Variants in WWC2 observed in about 807,000 individuals in gnomAD.
WWC2 encodes protein WWC2.
WWC2 carries 101 observed loss-of-function variants against 138.5 expected under a neutral mutation model. That is an observed-to-expected ratio of 0.73 (90% CI 0.62 to 0.86). The LOEUF is 0.86. WWC2 is among the 40% of genes least tolerant of loss of function. The pLI is 0.00. For missense variants in WWC2, 1,420 were observed against 1,419.4 expected (o/e 1.00, Z -0.01); for synonymous variants, 558 against 538.4 (o/e 1.04, Z -0.50).
chr4:183,289,993 A>C (rs1024987065), intron 21 of WWC2, among the ~76,000 whole-genome samples: 1 of 152,116 alleles, frequency 6.6e-6, no homozygotes, highest in Non-Finnish European at 1.5e-5. Flanking sequence ...AAATAAATGC[A>C]GTATAAATTT....
In WWC2 at chr4:183,248,846, A is replaced by G; in HGVS notation, c.865A>G (p.Ser289Gly). Residue 289 changes from serine to glycine, a missense_variant, in exon 7 of 23, where the codon AGC (serine) becomes GGC (glycine). By Grantham distance (56) the Ser-to-Gly change is moderately conservative (BLOSUM62 0). Coordinates refer to ENST00000403733, the MANE Select transcript of WWC2 (RefSeq NM_024949.6). ...RQTLDAGSQT[S>G]ISGDIGVRSR... is the part of the protein sequence containing the mutation. Reference sequence around the variant, plus strand: ...GACCCTTGATGCTGGGTCACAAACAAGCATTTCCGGAGATGTAAGTTATCT... The same window carrying G: ...GACCCTTGATGCTGGGTCACAAACAGGCATTTCCGGAGATGTAAGTTATCT... 4.4e-6 allele frequency: 7 copies of G among 1,597,944 alleles called. No homozygotes were observed. Among genetic ancestry groups the G allele is most frequent in the Non-Finnish European group, 5.1e-6 (6 of 1,170,544 alleles).
At chr4:183,157,169 T>A (rs1733828817) in intron 1 of WWC2, among the ~76,000 whole-genome samples, 1 of 152,222 alleles carries the variant, frequency 6.6e-6, no homozygotes, top group Non-Finnish European at 1.5e-5. Context: ...TCCCCTTTAA[T>A]CTGGATGATT....
chr4:183,190,443 A>G (rs1363235947), intron 1 of WWC2, among the ~76,000 whole-genome samples: 2 of 152,166 alleles, frequency 1.3e-5, no homozygotes, highest in Non-Finnish European at 2.9e-5. Context: ...GGATAGCACC[A>G]TAATTGGGTA....
intron 1 of WWC2, among the ~76,000 whole-genome samples, chr4:183,158,104 C>G (rs1279077248): frequency 6.6e-6 from 1 of 152,162 alleles, no homozygotes; most frequent in East Asian, 1.9e-4. Context: ...CTAACACCCC[C>G]TTATTTCTTC....
At chr4:183,110,932 C>T (rs1732210047) in intron 1 of WWC2, among the ~76,000 whole-genome samples, 1 of 151,912 alleles carries the variant, frequency 6.6e-6, no homozygotes, top group African/African-American at 2.4e-5. Context: ...GTGCTACAAA[C>T]CCCTGATTAA....
chr4:183,311,545 A>G (rs985536731), intron 21 of WWC2, among the ~76,000 whole-genome samples: 12 of 151,972 alleles, frequency 7.9e-5, no homozygotes, highest in African/African-American at 2.9e-4. Context: ...TCAATTTGTA[A>G]AAGTTTTTTG....
At chr4:183,118,725 A>C (rs1349748061) in intron 1 of WWC2, among the ~76,000 whole-genome samples, 1 of 152,192 alleles carries the variant, frequency 6.6e-6, no homozygotes, top group Non-Finnish European at 1.5e-5. Context: ...GAAGTGAATA[A>C]TCATCAGACA....
At chr4:183,248,034 A>G (rs1403606423) in intron 6 of WWC2, among the ~76,000 whole-genome samples, 3 of 151,936 alleles carry the variant, frequency 2.0e-5, no homozygotes, top group Admixed American at 6.6e-5. Context: ...TCACTTGTTC[A>G]TATCCTCCCT....
intron 1 of WWC2, among the ~76,000 whole-genome samples, chr4:183,110,611 G>A (rs1442617284): frequency 2.0e-5 from 3 of 152,078 alleles, no homozygotes; most frequent in Admixed American, 2.0e-4. Flanking sequence ...AATTACAATA[G>A]TTCCAATAGA....
intron 21 of WWC2, 136 bp downstream of exon 21, chr4:183,289,771 T>C: frequency 7.2e-7 from 1 of 1,385,662 alleles, no homozygotes; most frequent in Middle Eastern, 2.6e-4. Context: ...GAACATATTT[T>C]TCCCACTGTT....
At chr4:183,259,085 T>C (rs1322322134) in intron 9 of WWC2, among the ~76,000 whole-genome samples, 3 of 152,206 alleles carry the variant, frequency 2.0e-5, no homozygotes, top group Non-Finnish European at 2.9e-5. Context: ...TCCTCTTCCC[T>C]AAACAGTTGA....
chr4:183,236,420 T>C (rs1292477711), intron 4 of WWC2, among the ~76,000 whole-genome samples: 1 of 152,114 alleles, frequency 6.6e-6, no homozygotes, highest in Non-Finnish European at 1.5e-5. Context: ...CGTACAGTGA[T>C]ATACAGGAAT....
chr4:183,122,809 G>A (rs140430994), intron 1 of WWC2, among the ~76,000 whole-genome samples: 3,723 of 152,264 alleles, frequency 0.024, 73 homozygotes, highest in Non-Finnish European at 0.037. Context: ...ATGAGCCACC[G>A]TGCCTGGCCA....
intron 17 of WWC2, 176 bp downstream of exon 17, chr4:183,281,073 G>A (rs1738057091): frequency 1.2e-6 from 1 of 849,128 alleles, no homozygotes; most frequent in Non-Finnish European, 1.7e-6. Flanking sequence ...GGAAGTAATG[G>A]CAAGATTATG....
chr4:183,126,895 ATT>A (rs11412789), intron 1 of WWC2, among the ~76,000 whole-genome samples: 31 of 134,246 alleles, frequency 2.3e-4, no homozygotes, highest in Admixed American at 2.3e-4. Flanking sequence ...TGCCCAGCTA[ATT>A]TTTTTTTTTT....
intron 1 of WWC2, among the ~76,000 whole-genome samples, chr4:183,128,158 G>A (rs1348999954): frequency 1.3e-5 from 2 of 152,000 alleles, no homozygotes; most frequent in African/African-American, 4.8e-5. Flanking sequence ...GGCCAATATG[G>A]TGAAACCCCC....
At chr4:183,111,492 T>C (rs949039811) in intron 1 of WWC2, among the ~76,000 whole-genome samples, 5 of 152,000 alleles carry the variant, frequency 3.3e-5, no homozygotes, top group Non-Finnish European at 7.4e-5. Flanking sequence ...ATTCCAGTCT[T>C]TTTTTTTCTT....
chr4:183,240,816 T>C (rs1477217083), intron 5 of WWC2, among the ~76,000 whole-genome samples: 1 of 152,178 alleles, frequency 6.6e-6, no homozygotes, highest in African/African-American at 2.4e-5. Context: ...TCCTCTACCT[T>C]TCCCGTTTGC....
intron 1 of WWC2, among the ~76,000 whole-genome samples, chr4:183,185,062 C>T (rs759177121): frequency 6.6e-6 from 1 of 152,196 alleles, no homozygotes; most frequent in Non-Finnish European, 1.5e-5. Flanking sequence ...TCAAGGTGAA[C>T]TTCTGGTCCC....
Sources: allele counts gnomAD v4.1 joint callset (sites outside exome capture counted in the v4.1 genomes callset), GRCh38; gene constraint gnomAD v4.1.1; transcripts MANE v1.5; gene names NCBI Gene and HGNC (gene_info 2026-07-23, HGNC 2026-07-21).